The following FCSK variants were observed in gnomAD, a reference collection of about 807,000 sequenced individuals.
The protein encoded by FCSK is L-fucose kinase.
Under a neutral mutation model 122.5 loss-of-function variants are expected in FCSK, and 123 were observed. The observed-to-expected ratio is 1.00, with a 90% confidence interval of 0.87 to 1.17. The LOEUF is 1.17. Among genes scored for constraint, FCSK ranks in the 50% most tolerant of loss-of-function variants. The pLI is 0.00. For synonymous variants in FCSK, 620 were observed against 625.5 expected (o/e 0.99, Z 0.13); for missense variants, 1,366 against 1,450.4 (o/e 0.94, Z 0.95).
intron 10 of FCSK, 83 bp from the exon 11 acceptor site, chr16:70,470,231 C>T: frequency 2.3e-6 from 2 of 879,050 alleles, no homozygotes; most frequent in Admixed American, 1.9e-5. Flanking sequence ...CACCTGCCCC[C>T]ATGTGTCTCT....
At chr16:70,457,746 G>T (rs2048132680) in intron 1 of FCSK, among the ~76,000 whole-genome samples, 1 of 149,538 alleles carries the variant, frequency 6.7e-6, no homozygotes, top group Non-Finnish European at 1.5e-5. Flanking sequence ...GCTAATTTTT[G>T]TATGTGTGTG....
chr16:70,463,994 A>G (rs529961514), intron 3 of FCSK, among the ~76,000 whole-genome samples: 1 of 149,554 alleles, frequency 6.7e-6, no homozygotes, highest in Admixed American at 6.6e-5. Context: ...TGTAGCCAAT[A>G]TCTCAAAGTG....
intron 2 of FCSK, 125 bp from the exon 3 acceptor site, chr16:70,463,498 G>T (rs1290069250): frequency 4.0e-6 from 5 of 1,264,668 alleles, no homozygotes; most frequent in Non-Finnish European, 5.6e-6. Flanking sequence ...TGAAGATCTA[G>T]TGGCCTCCTA....
chr16:70,455,648 G>A (rs1338372626), intron 1 of FCSK, among the ~76,000 whole-genome samples: 1 of 150,976 alleles, frequency 6.6e-6, no homozygotes, highest in Non-Finnish European at 1.5e-5. Flanking sequence ...TCCCAGCACT[G>A]TGGGAGGCGG....
chr16:70,475,683 G>A lies in FCSK; in HGVS notation c.2557G>A (p.Ala853Thr). ...CATCCTGGCAGGCACTGCCCTGGCTGCCTTGCAGCGAGCCGCAGGCCGGGT... is the reference window on the plus strand; with the variant it reads ...CATCCTGGCAGGCACTGCCCTGGCTACCTTGCAGCGAGCCGCAGGCCGGGT... ...SSILAGTALA[A>T]LQRAAGRVVG... Residue 853 changes from alanine (A) to threonine (T), a missense_variant, in exon 20 of 24, where the codon GCC (alanine) becomes ACC (threonine). Transcript: ENST00000288078. 6.2e-7 allele frequency: 1 copy of A among 1,602,890 alleles called. No individual in the cohort carries two copies. Among genetic ancestry groups the A allele is most frequent in the South Asian group, 1.1e-5 (1 of 90,032 alleles).
intron 1 of FCSK, among the ~76,000 whole-genome samples, chr16:70,456,460 C>T (rs577825676): frequency 6.6e-6 from 1 of 152,330 alleles, no homozygotes; most frequent in South Asian, 2.1e-4. Flanking sequence ...GGGGATGTCC[C>T]TCAGCCTTGC....
At chr16:70,477,828 A>G (rs1381301792) in intron 20 of FCSK, 1 of 170,326 alleles carries the variant, frequency 5.9e-6, no homozygotes, top group Admixed American at 5.6e-5. Context: ...ATTACAGGGC[A>G]TGCACCACCA....
intron 1 of FCSK, among the ~76,000 whole-genome samples, chr16:70,456,829 GCCAGC>G (rs1270291057): frequency 6.6e-6 from 1 of 152,050 alleles, no homozygotes; most frequent in African/African-American, 2.4e-5. Context: ...GACCAGCCTG[GCCAGC>G]ATGGTGAAAC....
rs1337860539 is a variant in FCSK at position 70,475,432 on chromosome 16, C to T, written c.2460C>T (p.Arg820=). Residue 820 remains arginine, a synonymous_variant, in exon 19 of 24, where the codon CGC becomes CGT. Coordinates refer to ENST00000288078, the MANE Select transcript of FCSK (RefSeq NM_145059.3). ...TCCAGCTGAGTGAGCAGCTGCTCCG[C>T]ACCTTCGGGGGCGGCTTTGAGCTGC... ...SELQLSEQLL[R]TFGGGFELHT... is the part of the protein sequence containing the mutation. 4 of 1,608,486 alleles carry T rather than the reference C, an allele frequency of 2.5e-6. No individual in the cohort carries two copies. Among genetic ancestry groups the T allele is most frequent in the East Asian group, 4.5e-5 (2 of 44,846 alleles).
In FCSK at chr16:70,474,311, G is replaced by A. The variant is rs758419137; in HGVS notation, c.1960G>A (p.Ala654Thr). 2 of 1,613,608 alleles carry A rather than the reference G, an allele frequency of 1.2e-6. No homozygotes were observed. The highest frequency in any genetic ancestry group is 2.2e-5 in the South Asian group (2 of 91,050). ...CCTGGCAGCGGGCGTGGAGGCGCTT[G>A]CCCAGGAGAGGGACAAGTGGCTAAG... The part of the protein sequence containing the change: ...GDLAAGVEAL[A>T]QERDKWLSRP... The change falls in exon 16 of 24, where the codon GCC becomes ACC. Residue 654 changes from alanine to threonine, a missense_variant. Transcript: ENST00000288078.
intron 20 of FCSK, 103 bp from the exon 21 acceptor site, chr16:70,478,169 T>C (rs2048873222): frequency 6.0e-6 from 7 of 1,175,000 alleles, no homozygotes; most frequent in East Asian, 4.9e-5. Flanking sequence ...GGAAGCTATC[T>C]TTCCACACTG....
At chr16:70,468,761 T>C in intron 8 of FCSK, 88 bp from the exon 9 acceptor site, 2 of 1,524,032 alleles carry the variant, frequency 1.3e-6, no homozygotes, top group South Asian at 2.3e-5. Context: ...CTCAGCTTCA[T>C]GTGGCCCATC....
In FCSK at chr16:70,478,268, A is replaced by G; in HGVS notation, c.2642-4A>G. 1 of 1,613,684 alleles carries G rather than the reference A, an allele frequency of 6.2e-7. No homozygotes were observed. Among genetic ancestry groups the G allele is most frequent in the Non-Finnish European group, 8.5e-7 (1 of 1,179,856 alleles). ...TCCAACAGTGACAGTCCCTGGGCTC[A>G]CAGGAGGTGGCTGGCAGGACCAAGT... is the stretch of plus-strand genomic sequence containing the variant. On this transcript the variant is annotated splice_polypyrimidine_tract_variant and splice_region_variant and intron_variant, in intron 20 of 23. Coordinates refer to ENST00000288078, the MANE Select transcript of FCSK (RefSeq NM_145059.3).
In FCSK at chr16:70,473,862, G is replaced by A. The variant is rs1404286136; in HGVS notation, c.1778-267G>A. ...TGGTGAGGCTGAGACCTGAGCCCAG[G>A]TGGTTTGAGCCCAGAGCCTGAGCTC... On this transcript the variant is annotated intron_variant, in intron 15 of 23. Coordinates refer to ENST00000288078, the MANE Select transcript of FCSK (RefSeq NM_145059.3). This position sits in a 1 kb window ranked among gnomAD's most constrained non-coding sequence, Gnocchi z 4.9. 6.6e-6 allele frequency among the ~76,000 whole-genome samples: 1 copy of A among 152,192 alleles called. No homozygotes were observed. Among genetic ancestry groups the A allele is most frequent in the Non-Finnish European group, 1.5e-5 (1 of 68,030 alleles).
chr16:70,469,175 C>T lies in FCSK; in HGVS notation c.807C>T (p.Leu269=). 1.2e-6 allele frequency: 2 copies of T among 1,614,144 alleles called. No homozygotes were observed. Among genetic ancestry groups the T allele is most frequent in the Non-Finnish European group, 1.7e-6 (2 of 1,180,022 alleles). Residue 269 remains leucine, a synonymous_variant, in exon 10 of 24, where the codon CTC becomes CTT. Coordinates refer to ENST00000288078, the MANE Select transcript of FCSK (RefSeq NM_145059.3). The part of the protein sequence containing the change: ...PVQLSLFFDI[L]HCMAENVTRE... ...AGCTGTCTCTGTTTTTTGACATTCT[C>T]CACTGCATGGCTGAGAACGTGACCA...
At chr16:70,469,576 C>G (rs111749157) in intron 10 of FCSK, among the ~76,000 whole-genome samples, 3 of 151,960 alleles carry the variant, frequency 2.0e-5, no homozygotes, top group Non-Finnish European at 4.4e-5. Context: ...TTTTTTGAGA[C>G]GGACTCTCTC....
At chr16:70,463,917 C>T (rs564555901) in intron 3 of FCSK, 143 bp downstream of exon 3, 3 of 892,516 alleles carry the variant, frequency 3.4e-6, no homozygotes, top group Admixed American at 2.8e-5. Flanking sequence ...TGGGCGGACT[C>T]ATCTCTGCCT....
At chr16:70,476,633 G>C (rs1026879036) in intron 20 of FCSK, among the ~76,000 whole-genome samples, 16 of 152,076 alleles carry the variant, frequency 1.1e-4, no homozygotes, top group Admixed American at 2.6e-4. Context: ...CAGGGTGTCA[G>C]GTCCCGTCTC....
chr16:70,479,358 G>A lies in FCSK; in HGVS notation c.3108G>A (p.Glu1036=), dbSNP rs775513164. 1 of 1,613,974 alleles carries A rather than the reference G, an allele frequency of 6.2e-7. No individual in the cohort carries two copies. Among genetic ancestry groups the A allele is most frequent in the Non-Finnish European group, 8.5e-7 (1 of 1,180,016 alleles). ...GCTTTCTCTATCTGTTGACCAAGGA[G>A]CCACAGCAAAAGGAGGCCTTGGAGG... ...GGGFLYLLTK[E]PQQKEALEAV... The change falls in exon 23 of 24, where the codon GAG becomes GAA. Residue 1036 remains glutamate (E), a synonymous_variant. Transcript: ENST00000288078.
Sources: gnomAD v4.1 joint callset for allele counts (sites outside exome capture counted in the v4.1 genomes callset) on GRCh38, gnomAD v4.1.1 for gene constraint, Gnocchi (gnomAD v3.1) non-coding constraint, MANE v1.5 for transcripts, NCBI Gene and HGNC (gene_info 2026-07-23, HGNC 2026-07-21) for gene names.